ZNF521: variants seen among roughly 807,000 people sequenced by gnomAD.
ZNF521 encodes the protein LYST-interacting protein 3.
A neutral mutation model predicts 105.5 loss-of-function variants in ZNF521; 14 were observed. The observed-to-expected ratio is 0.13, with a 90% CI of 0.09 to 0.21. The LOEUF (loss-of-function observed/expected upper bound fraction) is 0.21, where lower values mean the gene tolerates loss of function less well. Ranked by LOEUF, ZNF521 falls within the 10% of genes least tolerant of loss-of-function variation. The pLI, the probability that ZNF521 is intolerant of heterozygous loss-of-function variation, is 1.00. For synonymous variants in ZNF521, 635 were observed against 606.0 expected (o/e 1.05, Z -0.70); for missense variants, 1,233 against 1,629.7 (o/e 0.76, Z 4.19).
At chr18:25,134,392 T>A (rs565923098) in intron 5 of ZNF521, among the ~76,000 whole-genome samples, 38 of 152,312 alleles carry the variant, frequency 2.5e-4, no homozygotes, top group African/African-American at 8.2e-4. Context: ...CGATGGCCTA[T>A]AATTACCTGG....
intron 5 of ZNF521, among the ~76,000 whole-genome samples, chr18:25,163,355 A>G (rs1440195103): frequency 1.3e-5 from 2 of 152,202 alleles, no homozygotes; most frequent in Non-Finnish European, 2.9e-5. Context: ...AGTATTTTTT[A>G]TAACAAAGAT....
intron 4 of ZNF521, among the ~76,000 whole-genome samples, chr18:25,212,541 AT>A (rs2036209341): frequency 6.0e-4 from 55 of 92,136 alleles, no homozygotes; most frequent in Non-Finnish European, 7.5e-4. Context: ...AAAAAAAAAT[AT>A]ATATATATAT....
intron 5 of ZNF521, among the ~76,000 whole-genome samples, chr18:25,188,203 G>A (rs1430391702): frequency 6.6e-6 from 1 of 152,158 alleles, no homozygotes; most frequent in African/African-American, 2.4e-5. Flanking sequence ...GCGCCATCCT[G>A]AGAGCTGTGA....
intron 5 of ZNF521, among the ~76,000 whole-genome samples, chr18:25,161,530 A>G (rs1364729278): frequency 6.6e-6 from 1 of 152,202 alleles, no homozygotes; most frequent in Non-Finnish European, 1.5e-5. Flanking sequence ...TGTTTCCTCA[A>G]TTCTTCCCAC....
chr18:25,298,219 T>C (rs370623633), intron 3 of ZNF521, among the ~76,000 whole-genome samples: 3 of 152,208 alleles, frequency 2.0e-5, no homozygotes, highest in African/African-American at 7.2e-5. Context: ...ACAAAATTTA[T>C]AGAAGTCATT....
chr18:25,338,184 G>A (rs996589149), intron 2 of ZNF521, among the ~76,000 whole-genome samples: 4 of 151,502 alleles, frequency 2.6e-5, no homozygotes, highest in African/African-American at 7.3e-5. Context: ...GAGTACCGAT[G>A]CATCTCACTC....
chr18:25,163,956 G>A (rs1429478790), intron 5 of ZNF521, among the ~76,000 whole-genome samples: 2 of 152,156 alleles, frequency 1.3e-5, no homozygotes, highest in Non-Finnish European at 2.9e-5. Flanking sequence ...GAGAAAGACA[G>A]GGGCAGAAGG....
chr18:25,233,909 G>C (rs1478237900), intron 3 of ZNF521, among the ~76,000 whole-genome samples: 1 of 152,120 alleles, frequency 6.6e-6, no homozygotes. Flanking sequence ...TGAACAGACG[G>C]AGCTCAATGA....
At chr18:25,323,229 T>A (rs1388317365) in intron 2 of ZNF521, among the ~76,000 whole-genome samples, 1 of 151,954 alleles carries the variant, frequency 6.6e-6, no homozygotes, top group Non-Finnish European at 1.5e-5. Context: ...ATAAACTATA[T>A]CTCAAAATAC....
chr18:25,243,382 A>T (rs1365565468), intron 3 of ZNF521, among the ~76,000 whole-genome samples: 1 of 152,192 alleles, frequency 6.6e-6, no homozygotes, highest in African/African-American at 2.4e-5. Context: ...GAGACAACTC[A>T]AGAGGTAGCT....
intron 5 of ZNF521, among the ~76,000 whole-genome samples, chr18:25,158,201 T>C (rs1439820740): frequency 5.3e-5 from 8 of 152,114 alleles, no homozygotes; most frequent in Non-Finnish European, 1.5e-5. Flanking sequence ...TGTACTAATT[T>C]TGAGGAGGAA....
chr18:25,243,620 CA>C (rs1282780503), intron 3 of ZNF521, among the ~76,000 whole-genome samples: 2 of 152,164 alleles, frequency 1.3e-5, no homozygotes, highest in Admixed American at 1.3e-4. Context: ...AATTCTAAGA[CA>C]AACTCATTTC....
intron 7 of ZNF521, among the ~76,000 whole-genome samples, chr18:25,082,441 G>A (rs922961827): frequency 6.6e-6 from 1 of 152,130 alleles, no homozygotes; most frequent in South Asian, 2.1e-4. Flanking sequence ...TAGATGTGGT[G>A]ATGGGCAAAT....
chr18:25,263,708 T>C (rs1005731325), intron 3 of ZNF521, among the ~76,000 whole-genome samples: 5 of 152,172 alleles, frequency 3.3e-5, no homozygotes, highest in African/African-American at 1.2e-4. Flanking sequence ...CCTGAATAGC[T>C]GGGACTACAG....
chr18:25,120,160 A>AGATGGTTTC (rs2034405429), intron 5 of ZNF521, among the ~76,000 whole-genome samples: 1 of 152,236 alleles, frequency 6.6e-6, no homozygotes, highest in Non-Finnish European at 1.5e-5. Context: ...ATTCCAGATC[A>AGATGGTTTC]GATGGTTTCA....
At chr18:25,306,400 A>T (rs1008785003) in intron 3 of ZNF521, among the ~76,000 whole-genome samples, 1 of 151,946 alleles carries the variant, frequency 6.6e-6, no homozygotes, top group Non-Finnish European at 1.5e-5. Context: ...TTTGGGGGGG[A>T]AAGGTGGGCA....
intron 2 of ZNF521, among the ~76,000 whole-genome samples, chr18:25,348,017 A>C (rs1914537681): frequency 6.6e-6 from 1 of 152,212 alleles, no homozygotes; most frequent in Non-Finnish European, 1.5e-5. Context: ...GCTATAATCT[A>C]CATGGTTTTG....
chr18:25,224,969 C>T lies in ZNF521; in HGVS notation c.2949G>A (p.Lys983=), dbSNP rs1447191312. 1 of 1,614,068 alleles carries T rather than the reference C, an allele frequency of 6.2e-7. No homozygotes were observed. The highest frequency in any genetic ancestry group is 8.5e-7 in the Non-Finnish European group (1 of 1,180,032). ...TCCGGCAGTTTCCAGTATCAAGACT[C>T]TTACTATGCGTGACTTTGTGTTCAG... ...TLTEHKVTHS[K]SLDTGNCRIC... is the part of the protein sequence containing the mutation. Residue 983 remains lysine, a synonymous_variant, in exon 4 of 8, where the codon AAG becomes AAA. Transcript: ENST00000361524.
chr18:25,268,027 A>T (rs1909389747), intron 3 of ZNF521, among the ~76,000 whole-genome samples: 1 of 152,206 alleles, frequency 6.6e-6, no homozygotes, highest in African/African-American at 2.4e-5. Context: ...GGAAGCTAAG[A>T]ACACTGAAAA....
Sources: allele counts gnomAD v4.1 joint callset (sites outside exome capture counted in the v4.1 genomes callset), GRCh38; gene constraint gnomAD v4.1.1; transcripts MANE v1.5; gene names NCBI Gene and HGNC (gene_info 2026-07-23, HGNC 2026-07-21).